CLVS1: variants seen among roughly 807,000 people sequenced by gnomAD.
The protein encoded by CLVS1 is clavesin 1.
A neutral mutation model predicts 33.1 loss-of-function variants in CLVS1; 10 were observed. The observed-to-expected ratio is 0.30, with a 90% CI of 0.19 to 0.51. CLVS1 has a LOEUF of 0.51. CLVS1 is among the 20% of genes least tolerant of loss of function. CLVS1 has a pLI of 0.97. For missense variants in CLVS1, 343 were observed against 433.4 expected (o/e 0.79, Z 1.85); for synonymous variants, 163 against 166.1 (o/e 0.98, Z 0.14).
chr8:61,103,765 C>T (rs1483772691), intron 1 of CLVS1, among the ~76,000 whole-genome samples: 1 of 152,210 alleles, frequency 6.6e-6, no homozygotes, highest in African/African-American at 2.4e-5. Flanking sequence ...CAATTCATTA[C>T]TGCAGGGTCG....
At chr8:61,186,417 G>A (rs1185033083) in intron 2 of CLVS1, among the ~76,000 whole-genome samples, 1 of 151,968 alleles carries the variant, frequency 6.6e-6, no homozygotes, top group South Asian at 2.1e-4. Context: ...CTGAAGCACT[G>A]CAAACATTGA....
At chr8:61,193,479 T>C (rs1421870935) in intron 2 of CLVS1, among the ~76,000 whole-genome samples, 9 of 151,178 alleles carry the variant, frequency 6.0e-5, no homozygotes, top group African/African-American at 2.2e-4. Flanking sequence ...GTAACAAACC[T>C]CCACGTTGTG....
chr8:61,397,074 A>G (rs368403808), intron 3 of CLVS1, among the ~76,000 whole-genome samples: 1 of 152,196 alleles, frequency 6.6e-6, no homozygotes, highest in East Asian at 1.9e-4. Context: ...GCTGGATCAT[A>G]TGATAACTCT....
intron 2 of CLVS1, among the ~76,000 whole-genome samples, chr8:61,219,322 T>C (rs779858830): frequency 6.6e-6 from 1 of 151,926 alleles, no homozygotes; most frequent in Non-Finnish European, 1.5e-5. Flanking sequence ...CAACAGGCCT[T>C]GGTATGTGTT....
intron 1 of CLVS1, among the ~76,000 whole-genome samples, chr8:61,128,851 C>G (rs1376359279): frequency 2.0e-5 from 3 of 152,206 alleles, no homozygotes; most frequent in Non-Finnish European, 4.4e-5. Flanking sequence ...TGGATCTGAT[C>G]TCAGTTTGTT....
chr8:61,180,556 A>G (rs1312225310), intron 2 of CLVS1, among the ~76,000 whole-genome samples: 2 of 152,256 alleles, frequency 1.3e-5, no homozygotes, highest in Admixed American at 1.3e-4. Flanking sequence ...CTTCAGGCCA[A>G]TATCCTTGAT....
chr8:61,001,857 C>T, the CLVS1 span, among the ~76,000 whole-genome samples: 4 of 152,246 alleles, frequency 2.6e-5, no homozygotes, highest in African/African-American at 9.6e-5. Flanking sequence ...TGAAATCCCA[C>T]CATTCCTTCA....
chr8:61,119,748 A>G (rs1416655263), intron 1 of CLVS1, among the ~76,000 whole-genome samples: 1 of 108,928 alleles, frequency 9.2e-6, no homozygotes, highest in African/African-American at 4.6e-5. Flanking sequence ...ATCCGCTGTT[A>G]GTCTGATGGG....
chr8:61,124,199 A>T (rs968816878), intron 1 of CLVS1, among the ~76,000 whole-genome samples: 2 of 152,240 alleles, frequency 1.3e-5, no homozygotes, highest in African/African-American at 4.8e-5. Flanking sequence ...AAAGAACAAC[A>T]CTGCAAAATC....
intron 2 of CLVS1, among the ~76,000 whole-genome samples, chr8:61,225,340 G>GA (rs969211971): frequency 3.3e-5 from 5 of 151,404 alleles, no homozygotes; most frequent in Non-Finnish European, 1.5e-5. Flanking sequence ...AAAATAATAA[G>GA]AAAAAAAAGA....
chr8:61,406,738 G>T (rs1379764785), intron 3 of CLVS1, among the ~76,000 whole-genome samples: 1 of 151,962 alleles, frequency 6.6e-6, no homozygotes, highest in Non-Finnish European at 1.5e-5. Flanking sequence ...CTCCCGAGTA[G>T]CTGGGACTAC....
chr8:61,076,219 A>G (rs1804906931), intron 1 of CLVS1, among the ~76,000 whole-genome samples: 1 of 151,868 alleles, frequency 6.6e-6, no homozygotes, highest in Non-Finnish European at 1.5e-5. Context: ...TCTCCCTTTT[A>G]AAAGAACCAT....
chr8:61,249,253 TC>T (rs1202279637), intron 2 of CLVS1, among the ~76,000 whole-genome samples: 1 of 152,150 alleles, frequency 6.6e-6, no homozygotes, highest in African/African-American at 2.4e-5. Flanking sequence ...CATGAACCCA[TC>T]CTTTATTATG....
intron 1 of CLVS1, among the ~76,000 whole-genome samples, chr8:61,111,911 T>G (rs532903756): frequency 5.1e-4 from 78 of 152,318 alleles, no homozygotes; most frequent in Middle Eastern, 3.4e-3. Context: ...TTCCAGAAGA[T>G]CTCTCCAATT....
intron 2 of CLVS1, among the ~76,000 whole-genome samples, chr8:61,270,681 A>G (rs1166909121): frequency 6.6e-6 from 1 of 152,146 alleles, no homozygotes; most frequent in Admixed American, 6.5e-5. Flanking sequence ...GATTATTGCC[A>G]TAATTTCAGA....
chr8:61,483,707 C>G (rs943203424), intron 5 of CLVS1, among the ~76,000 whole-genome samples: 5 of 152,212 alleles, frequency 3.3e-5, no homozygotes, highest in Non-Finnish European at 7.3e-5. Context: ...CAATAAAATA[C>G]TGGCAAACTG....
In CLVS1 at chr8:61,176,037, C is replaced by G. The variant is rs73682198; in HGVS notation, c.-152+44177C>G. Among the ~76,000 whole-genome samples the G allele has an allele frequency of 5.6e-3, 860 of 152,286 alleles. 10 individuals are homozygous for G. Among genetic ancestry groups the G allele is most frequent in the African/African-American group, 0.019 (794 of 41,560 alleles). ...CTCTAGATGGAGAGACATATAGTTC[C>G]TTTACAGAGTTAAGGGCAATTGCAG... On this transcript the variant is annotated intron_variant, in intron 2 of 2. Coordinates refer to the CLVS1 transcript ENST00000522621.
At chr8:61,059,242 G>A (rs1563387760) in intron 1 of CLVS1, among the ~76,000 whole-genome samples, 1 of 151,892 alleles carries the variant, frequency 6.6e-6, no homozygotes, top group Admixed American at 6.6e-5. Flanking sequence ...AGTCCTTCTA[G>A]TAGATGTGTT....
At chr8:61,187,611 C>A (rs949594093) in intron 2 of CLVS1, among the ~76,000 whole-genome samples, 4 of 148,804 alleles carry the variant, frequency 2.7e-5, no homozygotes, top group Admixed American at 1.4e-4. Flanking sequence ...GATTTTGAAC[C>A]CTGCTTCTCT....
Sources: gnomAD v4.1 joint callset for allele counts (sites outside exome capture counted in the v4.1 genomes callset) on GRCh38, gnomAD v4.1.1 for gene constraint, MANE v1.5 for transcripts, NCBI Gene and HGNC (gene_info 2026-07-23, HGNC 2026-07-21) for gene names.